The following ATXN7 variants were observed in gnomAD, a reference collection of about 807,000 sequenced individuals.
The protein encoded by ATXN7 is ataxin 7.
Under a neutral mutation model 70.5 loss-of-function variants are expected in ATXN7, and 12 were observed. The ratio of observed to expected loss-of-function variants is 0.17; its 90% CI spans 0.11 to 0.28. The LOEUF (loss-of-function observed/expected upper bound fraction) is 0.28. ATXN7 is among the 10% of genes least tolerant of loss of function. The pLI is 1.00. For missense variants in ATXN7, 1,256 were observed against 1,131.7 expected (o/e 1.11, Z -1.58); for synonymous variants, 498 against 448.7 (o/e 1.11, Z -1.39).
At chr3:63,908,794 A>C (rs1703923378) in intron 2 of ATXN7, among the ~76,000 whole-genome samples, 1 of 152,208 alleles carries the variant, frequency 6.6e-6, no homozygotes, top group Non-Finnish European at 1.5e-5. Flanking sequence ...TTATGAGTGC[A>C]AAGAATCCTT....
At chr3:63,981,488 T>C (rs1480098460) in intron 6 of ATXN7, among the ~76,000 whole-genome samples, 1 of 152,248 alleles carries the variant, frequency 6.6e-6, no homozygotes, top group Admixed American at 6.5e-5. Context: ...GTTAGCTTCC[T>C]ACCAGTATTT....
Position 63,989,078 on chromosome 3 carries a change from T to A in ATXN7, c.1361+754T>A, listed in dbSNP as rs548414970. Among the ~76,000 whole-genome samples, 9 of 152,348 alleles carry A rather than the reference T, an allele frequency of 5.9e-5. No homozygotes were observed. In the East Asian group the frequency reaches 1.4e-3, roughly 23 times the overall value. ...GCTTACCATTTCACCCTCACATGTC[T>A]GATCTTTAAAATGGTTGCATAAAGG... On this transcript the variant is annotated intron_variant, in intron 9 of 12. Transcript: ENST00000674280.
intron 4 of ATXN7, among the ~76,000 whole-genome samples, chr3:63,950,807 G>A (rs142836731): frequency 2.7e-3 from 411 of 152,174 alleles, no homozygotes; most frequent in Middle Eastern, 0.01. Flanking sequence ...TTAAATAAGC[G>A]TAGTCACAGA....
At chr3:63,992,724 G>A (rs1160091076) in intron 11 of ATXN7, among the ~76,000 whole-genome samples, 1 of 152,146 alleles carries the variant, frequency 6.6e-6, no homozygotes, top group African/African-American at 2.4e-5. Flanking sequence ...CGGGGAGAAG[G>A]AAACCAACCC....
At position 63,996,137 on chromosome 3, in the gene ATXN7, A is replaced by C. The variant is rs775575707; in HGVS notation, c.2315A>C (p.His772Pro). The C allele has an allele frequency of 6.2e-7, 1 of 1,614,082 alleles. No homozygotes were observed. The highest frequency in any genetic ancestry group is 1.3e-5 in the African/African-American group (1 of 74,924). The change falls in exon 12 of 13, where the codon CAT (histidine) becomes CCT (proline). Residue 772 changes from histidine (H) to proline (P), a missense_variant. Coordinates refer to ENST00000674280, the MANE Select transcript of ATXN7 (RefSeq NM_001377405.1). ...AAAGCAAATGCGGTGAACGTCCGGCATGACCAGTCAGGGAGGGGCCCCCCC... is the reference window on the plus strand; with the variant it reads ...AAAGCAAATGCGGTGAACGTCCGGCCTGACCAGTCAGGGAGGGGCCCCCCC... ...TNKANAVNVR[H>P]DQSGRGPPTG...
chr3:63,967,594 A>G (rs1288184434), intron 5 of ATXN7: 4 of 266,928 alleles, frequency 1.5e-5, no homozygotes, highest in Non-Finnish European at 2.0e-5. Flanking sequence ...AAAAATTCAC[A>G]AAATATAAGT....
rs1576011877 is a variant in ATXN7, at chr3:63,999,827, T to C, written c.*360T>C. The stretch of plus-strand genomic sequence containing the variant: ...CAAGTAGATTGGCTGGGCAAAAGAA[T>C]GTTTTGGCAAGAGCGTTACTGTAGA... On this transcript the variant is annotated 3_prime_UTR_variant, in exon 13 of 13. Coordinates refer to ENST00000674280, the MANE Select transcript of ATXN7 (RefSeq NM_001377405.1). The C allele has an allele frequency of 2.4e-6, 1 of 423,878 alleles. No individual in the cohort carries two copies. The highest frequency in any genetic ancestry group is 2.0e-5 in the African/African-American group (1 of 50,208). 26.3% of individuals were successfully genotyped at this position (423,878 alleles called of 1,614,324 possible).
chr3:63,933,610 G>C (rs1160818302), intron 4 of ATXN7, among the ~76,000 whole-genome samples: 2 of 152,088 alleles, frequency 1.3e-5, no homozygotes, highest in Non-Finnish European at 2.9e-5. Flanking sequence ...TATATATCTT[G>C]TAACAAGATT....
At chr3:63,932,979 CTCTT>C (rs2074584693) in intron 4 of ATXN7, among the ~76,000 whole-genome samples, 1 of 152,230 alleles carries the variant, frequency 6.6e-6, no homozygotes, top group East Asian at 1.9e-4. Flanking sequence ...GACATACAGA[CTCTT>C]GGCAGTGTTG....
At chr3:63,978,931 T>C (rs1274551414) in intron 5 of ATXN7, among the ~76,000 whole-genome samples, 2 of 152,234 alleles carry the variant, frequency 1.3e-5, no homozygotes, top group Admixed American at 1.3e-4. Context: ...CTTATATAGC[T>C]CCTGTATTGT....
intron 4 of ATXN7, among the ~76,000 whole-genome samples, chr3:63,935,605 CT>C (rs1318607238): frequency 6.6e-6 from 1 of 152,150 alleles, no homozygotes; most frequent in African/African-American, 2.4e-5. Context: ...AGCTCAGTGA[CT>C]GGAACATACT....
At chr3:63,888,317 G>A (rs914602807) in intron 1 of ATXN7, among the ~76,000 whole-genome samples, 37 of 152,036 alleles carry the variant, frequency 2.4e-4, no homozygotes, top group East Asian at 1.9e-4. Context: ...GAGAGGTCTC[G>A]GTTATTCTTC....
chr3:63,883,501 G>T (rs1702980169), intron 1 of ATXN7, among the ~76,000 whole-genome samples: 1 of 151,790 alleles, frequency 6.6e-6, no homozygotes, highest in Admixed American at 6.6e-5. Context: ...GAAGCTCCAG[G>T]CTCTGTGTTT....
In ATXN7 at chr3:63,884,203, G is replaced by GCA. The variant is rs57391192; in HGVS notation, c.-110-14159_-110-14158dup. 6.1e-3 allele frequency among the ~76,000 whole-genome samples: 874 copies of GCA among 143,020 alleles called. 4 individuals carry two copies. Among genetic ancestry groups the GCA allele is most frequent in the Non-Finnish European group, 8.3e-3 (548 of 65,666 alleles). 93.8% of individuals were successfully genotyped at this position (143,020 alleles called of 152,430 possible). On this transcript the variant is annotated intron_variant, in intron 1 of 12. Transcript: ENST00000674280. ...TCCAGAAAGTAAGAAAATAACATGC[G>GCA]CACACACACACACACACACACACAC...
chr3:63,881,634 G>A (rs1264486534), intron 1 of ATXN7, among the ~76,000 whole-genome samples: 2 of 152,074 alleles, frequency 1.3e-5, no homozygotes, highest in African/African-American at 4.8e-5. Flanking sequence ...GATTATAGGT[G>A]CCCACCACTA....
At chr3:63,992,715 G>T (rs182154363) in intron 11 of ATXN7, among the ~76,000 whole-genome samples, 6 of 152,080 alleles carry the variant, frequency 3.9e-5, no homozygotes, top group Admixed American at 1.3e-4. Context: ...ACTTGCTTCC[G>T]GGGAGAAGGA....
At chr3:63,957,624 C>T (rs1434184205) in intron 5 of ATXN7, among the ~76,000 whole-genome samples, 2 of 152,210 alleles carry the variant, frequency 1.3e-5, no homozygotes, top group African/African-American at 2.4e-5. Flanking sequence ...TTTGCCAGTG[C>T]TGGCTCTGAG....
At chr3:63,940,502 A>G (rs1382324627) in intron 4 of ATXN7, among the ~76,000 whole-genome samples, 2 of 152,216 alleles carry the variant, frequency 1.3e-5, no homozygotes, top group Non-Finnish European at 2.9e-5. Flanking sequence ...GCAATGAACA[A>G]AAGAAGGAAT....
At position 63,912,777 on chromosome 3, in the gene ATXN7, C is replaced by A; in HGVS notation, c.179C>A (p.Pro60Gln). 2.7e-6 allele frequency: 4 copies of A among 1,498,860 alleles called. No individual in the cohort carries two copies. The highest frequency in any genetic ancestry group is 2.7e-6 in the Non-Finnish European group (3 of 1,126,810). The allele number at this position is 1,498,860 out of a possible 1,614,324, so 92.8% of individuals were successfully genotyped here. ...CCACCGCCGCCACGGCGCACACGGC[C>A]GGAGGACGGCGGGCCCGGCGCCGCC... is the stretch of plus-strand genomic sequence containing the variant. ...HPPPPPRRTR[P>Q]EDGGPGAAST... The change falls in exon 3 of 13, where the codon CCG becomes CAG. Residue 60 changes from proline to glutamine, a missense_variant. By Grantham distance (76) the Pro-to-Gln change is moderately conservative (BLOSUM62 -1). Coordinates refer to ENST00000674280, the MANE Select transcript of ATXN7 (RefSeq NM_001377405.1).
Sources: allele counts gnomAD v4.1 joint callset (sites outside exome capture counted in the v4.1 genomes callset), GRCh38; gene constraint gnomAD v4.1.1; transcripts MANE v1.5; gene names NCBI Gene and HGNC (gene_info 2026-07-23, HGNC 2026-07-21).